The following EML5 variants were observed in gnomAD, a reference collection of about 807,000 sequenced individuals.
EML5 encodes the protein echinoderm microtubule-associated protein-like 5.
A neutral mutation model predicts 250.0 loss-of-function variants in EML5; 120 were observed. That is an observed-to-expected ratio of 0.48 (90% confidence interval 0.41 to 0.56). The LOEUF is 0.56. Ranked by LOEUF, EML5 falls within the 20% of genes least tolerant of loss-of-function variation. EML5 has a pLI of 0.00. For synonymous variants in EML5, 771 were observed against 806.5 expected (o/e 0.96, Z 0.75); for missense variants, 2,006 against 2,437.6 (o/e 0.82, Z 3.73).
At position 88,792,549 on chromosome 14, in the gene EML5, C is replaced by T; in HGVS notation, c.-46G>A. ...CTCCCGCTCGGGCCCGCGGCGGCGA[C>T]GGGAGGCGGCGGCGGCCCGGCAACG... On this transcript the variant is annotated 5_prime_UTR_variant, in exon 1 of 44. Coordinates refer to ENST00000554922, the MANE Select transcript of EML5 (RefSeq NM_183387.3). The surrounding 1 kb of genome is among the most constrained non-coding windows in gnomAD (Gnocchi z 6.9). 1 of 1,218,870 alleles carries T rather than the reference C, an allele frequency of 8.2e-7. No individual in the cohort carries two copies. The highest frequency in any genetic ancestry group is 1.0e-6 in the Non-Finnish European group (1 of 974,240). 75.5% of individuals were successfully genotyped at this position (1,218,870 alleles called of 1,614,324 possible).
At chr14:88,633,178 C>A (rs1017047438) in intron 33 of EML5, among the ~76,000 whole-genome samples, 5 of 152,158 alleles carry the variant, frequency 3.3e-5, no homozygotes, top group African/African-American at 1.2e-4. Context: ...AATGTTACCA[C>A]CTCTGAAAAA....
intron 1 of EML5, among the ~76,000 whole-genome samples, chr14:88,785,156 A>G (rs780498530): frequency 3.3e-5 from 5 of 152,198 alleles, no homozygotes; most frequent in Admixed American, 2.0e-4. Flanking sequence ...ACTAATGGAC[A>G]TAGAGTAGAA....
intron 33 of EML5, among the ~76,000 whole-genome samples, chr14:88,628,736 A>T (rs2090217986): frequency 1.3e-5 from 2 of 152,076 alleles, no homozygotes; most frequent in African/African-American, 2.4e-5. Flanking sequence ...TAAAGAAAAT[A>T]TTCTGATAAG....
intron 8 of EML5, among the ~76,000 whole-genome samples, chr14:88,719,864 A>T (rs963533483): frequency 1.3e-5 from 2 of 152,064 alleles, no homozygotes; most frequent in Non-Finnish European, 2.9e-5. Flanking sequence ...TTTTTTGAAA[A>T]AATTAATAAA....
chr14:88,666,683 C>T (rs922363621), intron 21 of EML5, among the ~76,000 whole-genome samples: 3 of 151,682 alleles, frequency 2.0e-5, no homozygotes, highest in Admixed American at 6.6e-5. Flanking sequence ...TGTTAACATT[C>T]GTAAAAATAA....
At chr14:88,781,497 T>G (rs1298630643) in intron 1 of EML5, among the ~76,000 whole-genome samples, 3 of 152,222 alleles carry the variant, frequency 2.0e-5, no homozygotes, top group Non-Finnish European at 4.4e-5. Flanking sequence ...TTACTAAAAA[T>G]AGTCACTTCT....
intron 1 of EML5, among the ~76,000 whole-genome samples, chr14:88,769,520 G>A (rs1199617743): frequency 6.6e-6 from 1 of 152,146 alleles, no homozygotes; most frequent in Non-Finnish European, 1.5e-5. Context: ...ACTAATACAG[G>A]TGTTTAGAGA....
intron 21 of EML5, among the ~76,000 whole-genome samples, chr14:88,679,073 G>A (rs2092661329): frequency 6.6e-6 from 1 of 151,096 alleles, no homozygotes; most frequent in Non-Finnish European, 1.5e-5. Flanking sequence ...CCATCATCAC[G>A]CTGCATTCTC....
At chr14:88,649,979 TG>T in intron 27 of EML5, 53 bp from the exon 28 acceptor site, 1 of 1,336,818 alleles carries the variant, frequency 7.5e-7, no homozygotes, top group Non-Finnish European at 1.0e-6. Context: ...AAATTGATGA[TG>T]AATAGAATAC....
At chr14:88,725,124 G>T (rs1206104010) in intron 8 of EML5, among the ~76,000 whole-genome samples, 1 of 152,140 alleles carries the variant, frequency 6.6e-6, no homozygotes, top group Non-Finnish European at 1.5e-5. Context: ...GACCCAGAAA[G>T]TAGAATGATG....
intron 3 of EML5, among the ~76,000 whole-genome samples, 200 bp downstream of exon 3, chr14:88,745,985 A>G (rs2093999196): frequency 6.6e-6 from 1 of 152,154 alleles, no homozygotes; most frequent in South Asian, 2.1e-4. Context: ...ATATCAAATC[A>G]TGTTTCCAAG....
At chr14:88,701,231 TG>T (rs1345490188) in intron 14 of EML5, among the ~76,000 whole-genome samples, 7 of 152,144 alleles carry the variant, frequency 4.6e-5, no homozygotes, top group Non-Finnish European at 1.0e-4. Context: ...GGGAAGTGGG[TG>T]TTCCTGGCTT....
intron 31 of EML5, among the ~76,000 whole-genome samples, chr14:88,640,874 AT>A (rs1195581508): frequency 6.6e-6 from 1 of 152,088 alleles, no homozygotes; most frequent in Non-Finnish European, 1.5e-5. Context: ...CAAAGATCAC[AT>A]TACAACCAAT....
intron 32 of EML5, among the ~76,000 whole-genome samples, chr14:88,635,717 T>A (rs1045857079): frequency 6.6e-6 from 1 of 152,142 alleles, no homozygotes; most frequent in East Asian, 1.9e-4. Flanking sequence ...TGGAAGCTCA[T>A]GTGTGGTGCT....
intron 42 of EML5, 161 bp downstream of exon 42, chr14:88,616,565 T>C: frequency 1.4e-6 from 1 of 730,922 alleles, no homozygotes; most frequent in Non-Finnish European, 2.2e-6. Context: ...GGGAGAGGAT[T>C]TGTTTCTAAT....
intron 10 of EML5, among the ~76,000 whole-genome samples, chr14:88,709,403 C>T (rs1041653950): frequency 1.3e-5 from 2 of 149,052 alleles, no homozygotes; most frequent in African/African-American, 5.2e-5. Flanking sequence ...TCTTAAAGAT[C>T]AATAAAAGAA....
intron 27 of EML5, among the ~76,000 whole-genome samples, chr14:88,655,736 G>C (rs551449012): frequency 6.6e-6 from 1 of 152,180 alleles, no homozygotes; most frequent in East Asian, 1.9e-4. Context: ...ATCTGACAAA[G>C]GGCTAATATC....
intron 1 of EML5, among the ~76,000 whole-genome samples, chr14:88,788,906 A>G (rs1002653604): frequency 9.2e-5 from 14 of 151,764 alleles, no homozygotes; most frequent in Non-Finnish European, 1.6e-4. Flanking sequence ...CCGAAAAAAA[A>G]AAAAAAATAG....
intron 14 of EML5, 26 bp downstream of exon 14, chr14:88,702,420 G>T (rs2093232978): frequency 6.4e-7 from 1 of 1,572,334 alleles, no homozygotes. Flanking sequence ...AGCTTATCTG[G>T]CTTATTGTCA....
Sources: gnomAD v4.1 joint callset for allele counts (sites outside exome capture counted in the v4.1 genomes callset) on GRCh38, gnomAD v4.1.1 for gene constraint, Gnocchi (gnomAD v3.1) non-coding constraint, MANE v1.5 for transcripts, NCBI Gene and HGNC (gene_info 2026-07-23, HGNC 2026-07-21) for gene names.